Variants in RBFOX1 observed in about 807,000 individuals in gnomAD.
RBFOX1 encodes RNA binding fox-1 homolog 1.
RBFOX1 carries 8 observed loss-of-function variants against 57.7 expected under a neutral mutation model. The ratio of observed to expected loss-of-function variants is 0.14; its 90% CI spans 0.08 to 0.25. The LOEUF is 0.25. RBFOX1 is among the 10% of genes least tolerant of loss of function. The pLI, the probability that RBFOX1 is intolerant of heterozygous loss-of-function variation, is 1.00. For synonymous variants in RBFOX1, 326 were observed against 222.4 expected (o/e 1.47, Z -4.15); for missense variants, 611 against 548.5 (o/e 1.11, Z -1.14).
At chr16:7,086,721 T>TACACACACACACACACACAGACACAG (rs1555460280) in intron 4 of RBFOX1, among the ~76,000 whole-genome samples, 1 of 149,476 alleles carries the variant, frequency 6.7e-6, no homozygotes, top group African/African-American at 2.5e-5. Flanking sequence ...GAAGAATGTA[T>TACACACACACACACACACAGACACAG]ACACACACAC....
At chr16:7,116,720 A>T (rs2065978674) in intron 4 of RBFOX1, among the ~76,000 whole-genome samples, 1 of 152,150 alleles carries the variant, frequency 6.6e-6, no homozygotes, top group Admixed American at 6.5e-5. Flanking sequence ...GTACGTGGAG[A>T]CAGACAGGCT....
intron 2 of RBFOX1, among the ~76,000 whole-genome samples, chr16:5,578,616 CTTG>C (rs1196880999): frequency 1.3e-5 from 2 of 152,188 alleles, no homozygotes; most frequent in African/African-American, 2.4e-5. Context: ...AAAAGCCTGC[CTTG>C]TTGTTCTATT....
intron 3 of RBFOX1, among the ~76,000 whole-genome samples, chr16:6,688,736 A>C (rs933745574): frequency 2.3e-4 from 35 of 152,210 alleles, no homozygotes; most frequent in African/African-American, 7.2e-4. Context: ...TTTGCTGCAC[A>C]CATCAACCCA....
At chr16:7,203,233 C>G (rs369000663) in intron 4 of RBFOX1, among the ~76,000 whole-genome samples, 6 of 152,158 alleles carry the variant, frequency 3.9e-5, no homozygotes, top group African/African-American at 1.4e-4. Context: ...AAAATTCTGA[C>G]GCATGCTTCA....
At chr16:5,301,656 C>T (rs1176187362) in intron 1 of RBFOX1, among the ~76,000 whole-genome samples, 2 of 137,420 alleles carry the variant, frequency 1.5e-5, no homozygotes, top group Non-Finnish European at 3.2e-5. Context: ...AAACAAAAAA[C>T]TGAGCTTGGA....
chr16:7,677,283 C>T (rs1252894965), intron 14 of RBFOX1, among the ~76,000 whole-genome samples: 1 of 152,066 alleles, frequency 6.6e-6, no homozygotes, highest in Admixed American at 6.6e-5. Flanking sequence ...TTTACAAGGT[C>T]TTATACCCAA....
At position 6,567,647 on chromosome 16, in the gene RBFOX1, G is replaced by C. The variant is rs149276726; in HGVS notation, c.-63-86956G>C. ...TCTTTCATTTCAGCGCCACATCCCA[G>C]CACTACACCAGTGCCTGGCACCCAG... On this transcript the variant is annotated intron_variant, in intron 2 of 15. Transcript: ENST00000550418. Among the ~76,000 whole-genome samples, 796 of 152,244 alleles carry C rather than the reference G, an allele frequency of 5.2e-3. 7 individuals carry two copies. Among genetic ancestry groups the C allele is most frequent in the African/African-American group, 0.018 (748 of 41,542 alleles).
At chr16:6,023,817 C>T (rs895865958) in intron 1 of RBFOX1, among the ~76,000 whole-genome samples, 63 of 152,178 alleles carry the variant, frequency 4.1e-4, no homozygotes, top group African/African-American at 1.4e-3. Context: ...ACCGAGGCGA[C>T]GTTTTTAAAG....
At chr16:6,370,645 G>C (rs1303810374) in intron 2 of RBFOX1, among the ~76,000 whole-genome samples, 2 of 152,112 alleles carry the variant, frequency 1.3e-5, no homozygotes, top group Non-Finnish European at 2.9e-5. Context: ...CAAATTCATA[G>C]AGACAAAGTA....
intron 2 of RBFOX1, among the ~76,000 whole-genome samples, chr16:6,524,561 G>A (rs1274727985): frequency 6.6e-6 from 1 of 152,172 alleles, no homozygotes; most frequent in Non-Finnish European, 1.5e-5. Context: ...TGTGGGCACA[G>A]TTTTTGAGTT....
chr16:5,536,525 C>T (rs546722533), intron 2 of RBFOX1, among the ~76,000 whole-genome samples: 12 of 152,174 alleles, frequency 7.9e-5, no homozygotes, highest in East Asian at 5.8e-4. Context: ...TGTGAGCCAG[C>T]GCTCCTGGCC....
chr16:5,326,119 C>G (rs2064562955), intron 1 of RBFOX1, among the ~76,000 whole-genome samples: 1 of 152,202 alleles, frequency 6.6e-6, no homozygotes, highest in South Asian at 2.1e-4. Context: ...CTTGTCAGCA[C>G]TTGGTATCGT....
At chr16:7,097,821 A>G (rs994871256) in intron 4 of RBFOX1, among the ~76,000 whole-genome samples, 1 of 152,252 alleles carries the variant, frequency 6.6e-6, no homozygotes, top group Non-Finnish European at 1.5e-5. Flanking sequence ...AATACGAAGT[A>G]TATGGAAATT....
chr16:7,183,263 G>C (rs975262108), intron 4 of RBFOX1, among the ~76,000 whole-genome samples: 1 of 152,064 alleles, frequency 6.6e-6, no homozygotes, highest in Non-Finnish European at 1.5e-5. Context: ...GGTGAATCAC[G>C]AAAACATATT....
chr16:7,005,799 C>G lies in RBFOX1; in HGVS notation c.-15-46258C>G, dbSNP rs138248324. 3.3e-3 allele frequency among the ~76,000 whole-genome samples: 500 copies of G among 152,238 alleles called. 4 individuals carry two copies. The highest frequency in any genetic ancestry group is 0.011 in the African/African-American group (450 of 41,510). The stretch of plus-strand genomic sequence containing the variant: ...AAATCGCAAGATGACCATTCATCTT[C>G]TTTTTCTGGCTCACATGAGTGACTG... On this transcript the variant is annotated intron_variant, in intron 3 of 15. Coordinates refer to ENST00000550418, the MANE Select transcript of RBFOX1 (RefSeq NM_018723.4).
At chr16:6,015,479 C>T (rs2094987817), upstream of RBFOX1, among the ~76,000 whole-genome samples, 1 of 152,214 alleles carries the variant, frequency 6.6e-6, no homozygotes, top group South Asian at 2.1e-4. Flanking sequence ...TGTGGTAAAG[C>T]AAATACGCCT....
chr16:6,542,686 G>A (rs1046849602), intron 2 of RBFOX1, among the ~76,000 whole-genome samples: 2 of 151,592 alleles, frequency 1.3e-5, no homozygotes, highest in Admixed American at 6.6e-5. Context: ...TAGAGACGGG[G>A]TTTCACTGTG....
intron 3 of RBFOX1, among the ~76,000 whole-genome samples, chr16:6,675,614 G>A (rs1045355088): frequency 1.3e-5 from 2 of 152,200 alleles, no homozygotes; most frequent in Non-Finnish European, 2.9e-5. Context: ...AAGAAAAAGA[G>A]CTTTAATAGA....
rs537790471 is a variant in RBFOX1, at chr16:5,827,762, A to G, written c.319-39541A>G. Among the ~76,000 whole-genome samples, 3 of 152,234 alleles carry G rather than the reference A, an allele frequency of 2.0e-5. No individual in the cohort carries two copies. The East Asian group carries it at 5.8e-4, about 29-fold the overall frequency. The stretch of plus-strand genomic sequence containing the variant: ...GGCCATCTTCCTCTGGATGCACGCC[A>G]CTGTGTCTCTACAGTTTTTTTCTCC... On this transcript the variant is annotated intron_variant, in intron 3 of 19. Transcript: ENST00000641259.
Sources: gnomAD v4.1 joint callset for allele counts (sites outside exome capture counted in the v4.1 genomes callset) on GRCh38, gnomAD v4.1.1 for gene constraint, MANE v1.5 for transcripts, NCBI Gene and HGNC (gene_info 2026-07-23, HGNC 2026-07-21) for gene names.